IGFL3: variants seen among roughly 807,000 people sequenced by gnomAD.
The protein encoded by IGFL3 is IGF like family member 3.
In IGFL3, 12 loss-of-function variants were observed where a neutral mutation model predicts 17.0. The ratio of observed to expected loss-of-function variants is 0.71; its 90% CI spans 0.45 to 1.14. The LOEUF is 1.14. Among genes scored for constraint, IGFL3 ranks in the 50% most tolerant of loss-of-function variants. The pLI is 0.00. For synonymous variants in IGFL3, 52 were observed against 57.4 expected (o/e 0.91, Z 0.42); for missense variants, 153 against 151.6 (o/e 1.01, Z -0.05).
At position 46,120,195 on chromosome 19, in the gene IGFL3, T is replaced by C; in HGVS notation, c.*135A>G. 7.7e-7 allele frequency: 1 copy of C among 1,302,350 alleles called. No homozygotes were observed. The highest frequency in any genetic ancestry group is 1.0e-6 in the Non-Finnish European group (1 of 964,666). 80.7% of individuals were successfully genotyped at this position (1,302,350 alleles called of 1,614,324 possible). On this transcript the variant is annotated 3_prime_UTR_variant, in exon 4 of 4. Coordinates refer to ENST00000341415, the MANE Select transcript of IGFL3 (RefSeq NM_207393.2). ...GTCTGGCCATCCCCAGCTGGGCTCC[T>C]CTCCAAAGCTATGTCATTGAGCCAT...
intron 3 of IGFL3, among the ~76,000 whole-genome samples, chr19:46,121,089 C>T (rs1394173026): frequency 1.3e-5 from 2 of 150,186 alleles, no homozygotes; most frequent in Admixed American, 6.7e-5. Flanking sequence ...TTAGAAAGTT[C>T]CAGGCACCAC....
chr19:46,124,585 A>T, intron 1 of IGFL3, 40 bp downstream of exon 1: 1 of 1,576,322 alleles, frequency 6.3e-7, no homozygotes, highest in Non-Finnish European at 8.7e-7. Flanking sequence ...CTGCACTGGG[A>T]ATGAGATGAG....
Position 46,124,613 on chromosome 19 carries a change from G to T in IGFL3, c.25+12C>A, listed in dbSNP as rs1410142012. On this transcript the variant is annotated intron_variant, in intron 1 of 3. Coordinates refer to ENST00000341415, the MANE Select transcript of IGFL3 (RefSeq NM_207393.2). The stretch of plus-strand genomic sequence containing the variant: ...GAGATGAGATGATGTTTGGATTTGG[G>T]GTCCTACTTGCCCAAGATGCAGCAT... 1.2e-6 allele frequency: 2 copies of T among 1,604,884 alleles called. No individual in the cohort carries two copies. The highest frequency in any genetic ancestry group is 1.4e-5 in the African/African-American group (1 of 73,452).
chr19:46,120,155 C>A lies in IGFL3; in HGVS notation c.*175G>T. 1 of 797,952 alleles carries A rather than the reference C, an allele frequency of 1.3e-6. No homozygotes were observed. The highest frequency in any genetic ancestry group is 1.9e-6 in the Non-Finnish European group (1 of 532,546). 49.4% of individuals were successfully genotyped at this position (797,952 alleles called of 1,614,324 possible). A position where few individuals can be genotyped will look rare whatever the true frequency, so the allele number is the denominator to read the frequency against. ...CTGGAAAGGGGATGAAGCAGGAAGG[C>A]ATTCTTCCCCTGAAGTCTGGCCATC... is the stretch of plus-strand genomic sequence containing the variant. On this transcript the variant is annotated 3_prime_UTR_variant, in exon 4 of 4. Transcript: ENST00000341415.
At chr19:46,124,389 A>C in intron 1 of IGFL3, 68 bp from the exon 2 acceptor site, 4 of 1,482,924 alleles carry the variant, frequency 2.7e-6, no homozygotes, top group African/African-American at 1.4e-5. Flanking sequence ...AAACAAACAA[A>C]CAAACAAACA....
rs887340345 is a variant in IGFL3 at position 46,123,227 on chromosome 19, C to A, written c.350+659G>T. Among the ~76,000 whole-genome samples, 3 of 150,706 alleles carry A rather than the reference C, an allele frequency of 2.0e-5. No individual in the cohort carries two copies. In the East Asian group the frequency reaches 5.9e-4, roughly 30 times the overall value. On this transcript the variant is annotated intron_variant, in intron 3 of 3. Transcript: ENST00000341415. ...ATTTAGCCAGAGATATCAGTTCCTC[C>A]TGAAAAAGGATACTGACCTCCTCTC... is the stretch of plus-strand genomic sequence containing the variant.
At chr19:46,124,388 A>C in intron 1 of IGFL3, 67 bp from the exon 2 acceptor site, 2 of 1,485,174 alleles carry the variant, frequency 1.3e-6, no homozygotes, top group Non-Finnish European at 1.9e-6. Context: ...AAAACAAACA[A>C]ACAAACAAAC....
chr19:46,120,571 A>C (rs1465278282), intron 3 of IGFL3, among the ~76,000 whole-genome samples: 2 of 150,886 alleles, frequency 1.3e-5, no homozygotes, highest in Admixed American at 1.3e-4. Context: ...AACAGATCCC[A>C]ATAACAAAGA....
Position 46,124,527 on chromosome 19 carries a change from G to A in IGFL3, c.25+98C>T, listed in dbSNP as rs528355580. The A allele has an allele frequency of 4.4e-5, 57 of 1,287,716 alleles. 4 individuals are homozygous for A. In the South Asian group the frequency reaches 4.9e-4, roughly 11 times the overall value. 79.8% of individuals were successfully genotyped at this position (1,287,716 alleles called of 1,614,324 possible). A position where few individuals can be genotyped will look rare whatever the true frequency, so the allele number is the denominator to read the frequency against. Reference sequence around the variant, plus strand: ...GTGACTAGTAGGGCACAGGAGGCTGGAATAATGTTAGAGATAAAGAGGAAT... The same window carrying A: ...GTGACTAGTAGGGCACAGGAGGCTGAAATAATGTTAGAGATAAAGAGGAAT... On this transcript the variant is annotated intron_variant, in intron 1 of 3. Coordinates refer to ENST00000341415, the MANE Select transcript of IGFL3 (RefSeq NM_207393.2).
rs865979536 is a variant in IGFL3, at chr19:46,124,014, G to A, written c.222C>T (p.Thr74=). The stretch of plus-strand genomic sequence containing the variant: ...AGCAGAGCTCAAAGCAGGGCCAGAA[G>A]GTGCAGGTGGAGCCACAGCGGCGGG... ...KETRRCGSTC[T]FWPCFELCCP... The change falls in exon 3 of 4, where the codon ACC becomes ACT. Residue 74 remains threonine (T), a synonymous_variant. Coordinates refer to ENST00000341415, the MANE Select transcript of IGFL3 (RefSeq NM_207393.2). 2.9e-5 allele frequency: 47 copies of A among 1,611,450 alleles called. 4 individuals are homozygous for A. The Middle Eastern group carries it at 4.9e-4, about 17-fold the overall frequency.
intron 3 of IGFL3, among the ~76,000 whole-genome samples, chr19:46,121,311 C>T (rs1471672302): frequency 6.7e-6 from 1 of 148,874 alleles, no homozygotes; most frequent in Non-Finnish European, 1.5e-5. Flanking sequence ...TCACTTGAGC[C>T]CAGGAGGTTG....
Position 46,120,607 on chromosome 19 carries a change from T to A in IGFL3, c.351-250A>T, listed in dbSNP as rs560410395. The stretch of plus-strand genomic sequence containing the variant: ...ATTCCTCAAAATGCCAGATAAAGAA[T>A]TAAAAATATTGATCTTAAAGAAAAT... On this transcript the variant is annotated intron_variant, in intron 3 of 3. Coordinates refer to ENST00000341415, the MANE Select transcript of IGFL3 (RefSeq NM_207393.2). Among the ~76,000 whole-genome samples the A allele has an allele frequency of 8.6e-5, 13 of 150,682 alleles. 1 individual carries two copies. Among genetic ancestry groups the A allele is most frequent in the African/African-American group, 2.7e-4 (11 of 40,624 alleles).
chr19:46,121,621 C>T (rs746991283), intron 3 of IGFL3, among the ~76,000 whole-genome samples: 1 of 150,388 alleles, frequency 6.6e-6, no homozygotes, highest in Non-Finnish European at 1.5e-5. Context: ...ACAACGGTGT[C>T]GCACGTGACG....
At chr19:46,120,751 A>G (rs2098470) in intron 3 of IGFL3, among the ~76,000 whole-genome samples, 86,134 of 150,410 alleles carry the variant, frequency 0.57, 26,777 homozygotes, top group Non-Finnish European at 0.66. Flanking sequence ...TGGTTATTGC[A>G]TAGCATGATG....
At chr19:46,120,802 G>C (rs1971718745) in intron 3 of IGFL3, among the ~76,000 whole-genome samples, 1 of 150,794 alleles carries the variant, frequency 6.6e-6, no homozygotes, top group African/African-American at 2.5e-5. Context: ...TATTAAGAGA[G>C]TAAATTTCAA....
At chr19:46,122,764 C>T (rs1295130843) in intron 3 of IGFL3, among the ~76,000 whole-genome samples, 2 of 150,866 alleles carry the variant, frequency 1.3e-5, no homozygotes, top group Admixed American at 6.6e-5. Context: ...CCTCTTAAAA[C>T]CCCCAACAGA....
chr19:46,121,408 A>AG (rs1177787175), intron 3 of IGFL3, among the ~76,000 whole-genome samples: 2 of 140,794 alleles, frequency 1.4e-5, no homozygotes, highest in African/African-American at 5.5e-5. Flanking sequence ...AAAAAAAAAA[A>AG]AGAAGAAGAA....
chr19:46,122,331 A>T (rs1971821592), intron 3 of IGFL3, among the ~76,000 whole-genome samples: 1 of 151,100 alleles, frequency 6.6e-6, no homozygotes, highest in Non-Finnish European at 1.5e-5. Flanking sequence ...GATATTTAGG[A>T]CAAATACTAA....
In IGFL3 at chr19:46,124,621, T is replaced by C; in HGVS notation, c.25+4A>G. 6.2e-7 allele frequency: 1 copy of C among 1,608,024 alleles called. No homozygotes were observed. Among genetic ancestry groups the C allele is most frequent in the Non-Finnish European group, 8.5e-7 (1 of 1,176,832 alleles). On this transcript the variant is annotated splice_donor_region_variant and intron_variant, in intron 1 of 3. Coordinates refer to ENST00000341415, the MANE Select transcript of IGFL3 (RefSeq NM_207393.2). ...ATGATGTTTGGATTTGGGGTCCTAC[T>C]TGCCCAAGATGCAGCATCGTGGCCT...
Sources: gnomAD v4.1 joint callset for allele counts (sites outside exome capture counted in the v4.1 genomes callset) on GRCh38, gnomAD v4.1.1 for gene constraint, MANE v1.5 for transcripts, NCBI Gene and HGNC (gene_info 2026-07-23, HGNC 2026-07-21) for gene names.